Variants in FAM13C observed in about 807,000 individuals in gnomAD.
The protein encoded by FAM13C is family with sequence similarity 13 member C.
FAM13C carries 37 observed loss-of-function variants against 73.2 expected under a neutral mutation model. The ratio of observed to expected loss-of-function variants is 0.51; its 90% confidence interval spans 0.39 to 0.67. The LOEUF (loss-of-function observed/expected upper bound fraction) is 0.67, where lower values mean the gene tolerates loss of function less well. FAM13C is among the 30% of genes least tolerant of loss of function. The pLI, the probability that FAM13C is intolerant of heterozygous loss-of-function variation, is 0.00. For synonymous variants in FAM13C, 246 were observed against 260.9 expected (o/e 0.94, Z 0.55); for missense variants, 589 against 715.6 (o/e 0.82, Z 2.02).
At chr10:59,318,260 G>A (rs573387333) in intron 4 of FAM13C, among the ~76,000 whole-genome samples, 1 of 133,696 alleles carries the variant, frequency 7.5e-6, no homozygotes, top group South Asian at 2.4e-4. Context: ...AAATGACCAA[G>A]GGTAATCTCC....
intron 3 of FAM13C, among the ~76,000 whole-genome samples, chr10:59,333,956 A>G (rs565284179): frequency 1.3e-5 from 2 of 152,338 alleles, no homozygotes; most frequent in African/African-American, 4.8e-5. Context: ...CAAAATGTGG[A>G]ACAGTTAACA....
chr10:59,362,755 G>A (rs1296138496), upstream of FAM13C: 2 of 483,158 alleles, frequency 4.1e-6, no homozygotes. Context: ...ACACGACCCC[G>A]ACCTCGCCAG....
At chr10:59,258,909 G>C (rs1243849971) in intron 10 of FAM13C, among the ~76,000 whole-genome samples, 1 of 152,122 alleles carries the variant, frequency 6.6e-6, no homozygotes, top group African/African-American at 2.4e-5. Flanking sequence ...TACAGTTGAT[G>C]AGAGGCCAGA....
chr10:59,270,178 T>G, intron 6 of FAM13C, 69 bp from the exon 7 acceptor site: 1 of 1,457,770 alleles, frequency 6.9e-7, no homozygotes, highest in East Asian at 2.3e-5. Context: ...TGTTCCTAAA[T>G]AAAGATCATA....
intron 4 of FAM13C, among the ~76,000 whole-genome samples, chr10:59,306,597 C>T (rs556545380): frequency 2.8e-4 from 42 of 152,238 alleles, no homozygotes; most frequent in African/African-American, 9.4e-4. Flanking sequence ...GGTGAGAGGC[C>T]GGGCGTTGTG....
intron 1 of FAM13C, among the ~76,000 whole-genome samples, chr10:59,360,853 GAAAA>G (rs10615623): frequency 1.0e-4 from 6 of 57,992 alleles, no homozygotes; most frequent in African/African-American, 2.5e-4. Context: ...AACCTCTACA[GAAAA>G]AAAAAAAAAA....
At chr10:59,293,734 A>C (rs1564537866) in intron 5 of FAM13C, among the ~76,000 whole-genome samples, 1 of 152,204 alleles carries the variant, frequency 6.6e-6, no homozygotes, top group Non-Finnish European at 1.5e-5. Context: ...TCCCGACTTG[A>C]TATGTGTCCC....
chr10:59,269,803 C>T, intron 7 of FAM13C, 96 bp downstream of exon 7: 2 of 1,409,306 alleles, frequency 1.4e-6, no homozygotes, highest in Admixed American at 4.0e-5. Context: ...TAGGCAGGCA[C>T]ATTTGTGCTA....
chr10:59,329,407 T>C (rs1851657929), intron 3 of FAM13C, among the ~76,000 whole-genome samples: 1 of 130,444 alleles, frequency 7.7e-6, no homozygotes. Context: ...TCACTCAGGC[T>C]GGAGCGCAAT....
intron 4 of FAM13C, among the ~76,000 whole-genome samples, chr10:59,306,012 A>G (rs284588): frequency 0.99 from 150,639 of 152,342 alleles, 74,499 homozygotes; most frequent in Middle Eastern, 1. Context: ...TGAATGGCTC[A>G]TAGTTTCTTT....
chr10:59,259,864 C>T (rs1300079209), intron 10 of FAM13C, among the ~76,000 whole-genome samples: 11 of 152,106 alleles, frequency 7.2e-5, no homozygotes, highest in Admixed American at 7.2e-4. Flanking sequence ...CCCAGTTTGC[C>T]CAGGACTGAG....
At chr10:59,252,353 A>G (rs887348659) in intron 12 of FAM13C, among the ~76,000 whole-genome samples, 2 of 152,164 alleles carry the variant, frequency 1.3e-5, no homozygotes, top group Non-Finnish European at 2.9e-5. Context: ...TTGAAAAGTT[A>G]GGAATAACTG....
At chr10:59,312,345 A>G (rs1849029124) in intron 4 of FAM13C, among the ~76,000 whole-genome samples, 1 of 152,112 alleles carries the variant, frequency 6.6e-6, no homozygotes, top group Non-Finnish European at 1.5e-5. Flanking sequence ...TCCCTATTCA[A>G]GATTTTCTTT....
At chr10:59,337,667 C>CTTTTTTTTTTTTTTTT (rs3078327) in intron 3 of FAM13C, among the ~76,000 whole-genome samples, 6 of 71,028 alleles carry the variant, frequency 8.4e-5, no homozygotes, top group Non-Finnish European at 1.0e-4. Context: ...TTTTCTTTTT[C>CTTTTTTTTTTTTTTTT]TTTTTTTTTT....
At chr10:59,316,577 G>GTA (rs1202303545) in intron 4 of FAM13C, among the ~76,000 whole-genome samples, 10 of 152,080 alleles carry the variant, frequency 6.6e-5, no homozygotes, top group Non-Finnish European at 1.0e-4. Context: ...AACCTAGATG[G>GTA]TATAGCCCAC....
chr10:59,301,784 C>T (rs1380662045), intron 5 of FAM13C, among the ~76,000 whole-genome samples: 1 of 152,196 alleles, frequency 6.6e-6, no homozygotes. Context: ...TGTCTGTATG[C>T]ACACACACAA....
upstream of FAM13C, chr10:59,362,646 A>C: frequency 2.1e-5 from 28 of 1,330,526 alleles, no homozygotes; most frequent in Non-Finnish European, 2.8e-5. Flanking sequence ...GCGAACCACA[A>C]AGCCCGGCAG....
intron 4 of FAM13C, among the ~76,000 whole-genome samples, chr10:59,319,394 T>C (rs1849931445): frequency 6.6e-6 from 1 of 152,254 alleles, no homozygotes; most frequent in South Asian, 2.1e-4. Context: ...GAATAACTCC[T>C]GTTTACACAG....
intron 13 of FAM13C, among the ~76,000 whole-genome samples, chr10:59,250,735 A>C (rs1405056342): frequency 6.6e-6 from 1 of 152,226 alleles, no homozygotes; most frequent in African/African-American, 2.4e-5. Flanking sequence ...TTATGAGTTG[A>C]ATAATGAGTT....
Sources: gnomAD v4.1 joint callset for allele counts (sites outside exome capture counted in the v4.1 genomes callset) on GRCh38, gnomAD v4.1.1 for gene constraint, MANE v1.5 for transcripts, NCBI Gene and HGNC (gene_info 2026-07-23, HGNC 2026-07-21) for gene names.